NAV2: variants seen among roughly 807,000 people sequenced by gnomAD.
NAV2 encodes neuron navigator 2, also known as helicase, APC down-regulated 1.
Under a neutral mutation model 223.2 loss-of-function variants are expected in NAV2, and 54 were observed. The ratio of observed to expected loss-of-function variants is 0.24; its 90% CI spans 0.19 to 0.30. The LOEUF (loss-of-function observed/expected upper bound fraction) is 0.30, where lower values mean the gene tolerates loss of function less well. NAV2 is among the 10% of genes least tolerant of loss of function. NAV2 has a pLI of 1.00. For missense variants in NAV2, 2,806 were observed against 3,147.5 expected (o/e 0.89, Z 2.60); for synonymous variants, 1,279 against 1,239.3 (o/e 1.03, Z -0.67).
chr11:19,877,470 C>CTTTT (rs1289323253), intron 4 of NAV2, among the ~76,000 whole-genome samples: 13 of 82,596 alleles, frequency 1.6e-4, no homozygotes, highest in Admixed American at 2.3e-4. Context: ...TATCTTCATT[C>CTTTT]TTTTTTTTTT....
intron 1 of NAV2, among the ~76,000 whole-genome samples, chr11:19,453,540 C>T (rs1851859098): frequency 6.6e-6 from 1 of 152,210 alleles, no homozygotes; most frequent in African/African-American, 2.4e-5. Flanking sequence ...CTTCCCTAGA[C>T]ACCTTCTGGA....
At chr11:19,922,092 G>C (rs540409435) in intron 6 of NAV2, among the ~76,000 whole-genome samples, 1 of 152,194 alleles carries the variant, frequency 6.6e-6, no homozygotes, top group African/African-American at 2.4e-5. Flanking sequence ...AATACTCTCT[G>C]ACCTCACCCT....
At chr11:20,079,059 GAGACGGAGTTTCACTCTGTTGCCC>G (rs1438144131) in intron 24 of NAV2, among the ~76,000 whole-genome samples, 17 of 151,776 alleles carry the variant, frequency 1.1e-4, no homozygotes, top group African/African-American at 4.1e-4. Context: ...TTCTTTTTTT[GAGACGGAGTTTCACTCTGTTGCCC>G]AGGCTGGAGT....
At chr11:19,905,594 A>G (rs1028539236) in intron 6 of NAV2, among the ~76,000 whole-genome samples, 12 of 152,292 alleles carry the variant, frequency 7.9e-5, no homozygotes, top group African/African-American at 2.9e-4. Flanking sequence ...TCGTGCATGA[A>G]TGAGGCTCTG....
chr11:19,426,947 G>A (rs769520100), intron 1 of NAV2, among the ~76,000 whole-genome samples: 1 of 152,090 alleles, frequency 6.6e-6, no homozygotes, highest in South Asian at 2.1e-4. Context: ...ATTTAAGACT[G>A]GTCTTGGCAC....
intron 1 of NAV2, among the ~76,000 whole-genome samples, chr11:19,390,389 TCCTGCTTC>T (rs1200168709): frequency 1.3e-5 from 2 of 152,206 alleles, no homozygotes; most frequent in African/African-American, 4.8e-5. Context: ...GAAAGCCTAA[TCCTGCTTC>T]CCTGCCAGAA....
At chr11:19,612,045 T>G (rs762719592) in intron 1 of NAV2, among the ~76,000 whole-genome samples, 4 of 152,212 alleles carry the variant, frequency 2.6e-5, no homozygotes, top group Non-Finnish European at 4.4e-5. Flanking sequence ...AATTATTGAC[T>G]TCTATGCACC....
At position 19,817,903 on chromosome 11, in the gene NAV2, A is replaced by T. The variant is rs529189096; in HGVS notation, c.268-14581A>T. On this transcript the variant is annotated intron_variant, in intron 1 of 37. Coordinates refer to ENST00000349880, the MANE Select transcript of NAV2 (RefSeq NM_145117.5). ...TGCCCTAGAAAGCACCAGTAAGAATACAGATTGCACTGGAGATCTCCAAGG... is the reference window on the plus strand; with the variant it reads ...TGCCCTAGAAAGCACCAGTAAGAATTCAGATTGCACTGGAGATCTCCAAGG... Among the ~76,000 whole-genome samples, 13 of 152,238 alleles carry T rather than the reference A, an allele frequency of 8.5e-5. No individual in the cohort carries two copies. The South Asian group carries it at 2.7e-3, about 32-fold the overall frequency.
At chr11:19,727,298 A>C (rs568331079) in intron 1 of NAV2, among the ~76,000 whole-genome samples, 1 of 152,162 alleles carries the variant, frequency 6.6e-6, no homozygotes, top group African/African-American at 2.4e-5. Context: ...CCGTCTCACA[A>C]ATGGCTGTGA....
intron 1 of NAV2, among the ~76,000 whole-genome samples, chr11:19,426,805 C>T (rs1172598514): frequency 6.6e-6 from 1 of 152,044 alleles, no homozygotes; most frequent in Non-Finnish European, 1.5e-5. Flanking sequence ...ATCTGACTCT[C>T]AGCCCTACCA....
chr11:19,690,816 A>G (rs2049152101), intron 1 of NAV2, among the ~76,000 whole-genome samples: 1 of 152,224 alleles, frequency 6.6e-6, no homozygotes, highest in Non-Finnish European at 1.5e-5. Context: ...CTGGATGGGG[A>G]ACTGGCCCCA....
At chr11:19,392,720 G>A (rs1849297947) in intron 1 of NAV2, among the ~76,000 whole-genome samples, 1 of 152,184 alleles carries the variant, frequency 6.6e-6, no homozygotes, top group Non-Finnish European at 1.5e-5. Flanking sequence ...GACTCTTGAT[G>A]GGAAGGGTGG....
At chr11:19,596,739 A>G (rs1292926663) in intron 1 of NAV2, among the ~76,000 whole-genome samples, 1 of 152,208 alleles carries the variant, frequency 6.6e-6, no homozygotes, top group African/African-American at 2.4e-5. Flanking sequence ...TGCTCAGACA[A>G]TGAGTTTCAG....
At chr11:19,828,068 A>G (rs2059738070) in intron 1 of NAV2, among the ~76,000 whole-genome samples, 4 of 152,162 alleles carry the variant, frequency 2.6e-5, no homozygotes, top group African/African-American at 9.7e-5. Context: ...CATTTGAGTC[A>G]GGGAAGCTGG....
intron 1 of NAV2, among the ~76,000 whole-genome samples, chr11:19,463,646 AG>A (rs1392038943): frequency 6.6e-6 from 1 of 152,214 alleles, no homozygotes; most frequent in African/African-American, 2.4e-5. Context: ...TTTTCTGGAG[AG>A]GGTGTGGTGT....
chr11:19,960,535 G>T (rs2048261963), intron 10 of NAV2, among the ~76,000 whole-genome samples: 1 of 151,950 alleles, frequency 6.6e-6, no homozygotes, highest in Non-Finnish European at 1.5e-5. Context: ...TGCTCTTGTT[G>T]CTTTGCTATA....
intron 1 of NAV2, among the ~76,000 whole-genome samples, chr11:19,612,410 A>G (rs1298906631): frequency 6.6e-6 from 1 of 152,178 alleles, no homozygotes; most frequent in African/African-American, 2.4e-5. Flanking sequence ...TTTCTATCAC[A>G]TAGTCAGGCT....
intron 10 of NAV2, among the ~76,000 whole-genome samples, chr11:19,953,083 T>C (rs147803463): frequency 6.6e-6 from 1 of 152,330 alleles, no homozygotes; most frequent in East Asian, 1.9e-4. Flanking sequence ...AAGTGCCATA[T>C]GGTACAGAAT....
chr11:19,861,201 T>G (rs55930905), intron 3 of NAV2, among the ~76,000 whole-genome samples: 2,994 of 152,294 alleles, frequency 0.02, 110 homozygotes, highest in African/African-American at 0.069. Flanking sequence ...GAAGCCAATG[T>G]CAGTCCCTTC....
Sources: gnomAD v4.1 joint callset for allele counts (sites outside exome capture counted in the v4.1 genomes callset) on GRCh38, gnomAD v4.1.1 for gene constraint, MANE v1.5 for transcripts, NCBI Gene and HGNC (gene_info 2026-07-23, HGNC 2026-07-21) for gene names.